The following SLC8A3 variants were observed in gnomAD, a reference collection of about 807,000 sequenced individuals.
The protein encoded by SLC8A3 is solute carrier family 8 member A3.
In SLC8A3, 37 loss-of-function variants were observed where a neutral mutation model predicts 65.4. That is an observed-to-expected ratio of 0.57 (90% CI 0.44 to 0.74). SLC8A3 has a LOEUF of 0.74. SLC8A3 is among the 30% of genes least tolerant of loss of function. The pLI is 0.00. For synonymous variants in SLC8A3, 461 were observed against 444.5 expected (o/e 1.04, Z -0.47); for missense variants, 1,112 against 1,172.1 (o/e 0.95, Z 0.75).
chr14:70,153,547 G>T (rs1056897821), intron 2 of SLC8A3, among the ~76,000 whole-genome samples: 2 of 152,122 alleles, frequency 1.3e-5, no homozygotes, highest in Non-Finnish European at 2.9e-5. Context: ...AGCCCTCAGT[G>T]GTTCCCCCTT....
chr14:70,180,587 G>A (rs927517067), intron 1 of SLC8A3, among the ~76,000 whole-genome samples: 14 of 152,192 alleles, frequency 9.2e-5, no homozygotes, highest in African/African-American at 3.1e-4. Flanking sequence ...TGTCTCACTG[G>A]GGAGAGAGTA....
intron 2 of SLC8A3, chr14:70,063,924 G>T (rs1196102583): frequency 1.9e-6 from 3 of 1,582,266 alleles, no homozygotes; most frequent in Non-Finnish European, 2.6e-6. Context: ...GATGTGAATT[G>T]TTTTGCTGTG....
At chr14:70,147,353 C>T (rs1269176305) in intron 2 of SLC8A3, among the ~76,000 whole-genome samples, 1 of 152,168 alleles carries the variant, frequency 6.6e-6, no homozygotes, top group Non-Finnish European at 1.5e-5. Flanking sequence ...AGAGATTAGT[C>T]AATTTGCCTG....
intron 2 of SLC8A3, among the ~76,000 whole-genome samples, chr14:70,125,209 G>A (rs993129394): frequency 9.9e-5 from 15 of 152,084 alleles, no homozygotes; most frequent in Non-Finnish European, 1.9e-4. Context: ...GGGTGTAAGG[G>A]CAATTTTGTT....
intron 2 of SLC8A3, among the ~76,000 whole-genome samples, chr14:70,142,688 C>T (rs1895657891): frequency 6.6e-6 from 1 of 152,192 alleles, no homozygotes; most frequent in Admixed American, 6.5e-5. Context: ...GAGGGAACCT[C>T]CTCTCCAGGA....
In SLC8A3 at chr14:70,166,711, C is replaced by T. The variant is rs1219288528; in HGVS notation, c.1712G>A (p.Gly571Glu). The change falls in exon 2 of 7, where the codon GGG (glycine) becomes GAG (glutamate). Residue 571 changes from glycine to glutamate, a missense_variant. Physicochemically the swap from Gly to Glu is moderately conservative, Grantham distance 98. Coordinates refer to ENST00000356921, the MANE Select transcript of SLC8A3 (RefSeq NM_182932.3). ...GTCCTCACCGCCACCCTTGGCTGTCCCTTCTACTGTCCTAAAGGGGACGAT... is the reference window on the plus strand; with the variant it reads ...GTCCTCACCGCCACCCTTGGCTGTCTCTTCTACTGTCCTAAAGGGGACGAT... The part of the protein sequence containing the change: ...TVIVPFRTVE[G>E]TAKGGGEDFE... The T allele has an allele frequency of 1.2e-6, 2 of 1,613,914 alleles. No individual in the cohort carries two copies. The highest frequency in any genetic ancestry group is 1.7e-5 in the Admixed American group (1 of 59,986).
At chr14:70,130,720 T>A (rs1471010100) in intron 2 of SLC8A3, among the ~76,000 whole-genome samples, 1 of 152,196 alleles carries the variant, frequency 6.6e-6, no homozygotes, top group Non-Finnish European at 1.5e-5. Context: ...GCAAGAGGAA[T>A]GGAGTTTTAA....
chr14:70,110,524 A>T (rs991234621), intron 2 of SLC8A3, among the ~76,000 whole-genome samples: 1 of 151,870 alleles, frequency 6.6e-6, no homozygotes, highest in African/African-American at 2.4e-5. Flanking sequence ...ACTGGATCTC[A>T]TTCTTTTTTT....
At chr14:70,098,318 C>A (rs539288542) in intron 2 of SLC8A3, among the ~76,000 whole-genome samples, 1 of 151,502 alleles carries the variant, frequency 6.6e-6, no homozygotes, top group East Asian at 1.9e-4. Flanking sequence ...AAAAAAAACC[C>A]TCTGCCTATA....
At chr14:70,100,294 C>T (rs1594982618) in intron 2 of SLC8A3, among the ~76,000 whole-genome samples, 1 of 152,184 alleles carries the variant, frequency 6.6e-6, no homozygotes, top group African/African-American at 2.4e-5. Flanking sequence ...TTTCCAGCCT[C>T]GGCCCAGTTG....
chr14:70,173,114 A>C (rs1897652815), intron 1 of SLC8A3, among the ~76,000 whole-genome samples: 2 of 152,186 alleles, frequency 1.3e-5, no homozygotes, highest in Non-Finnish European at 2.9e-5. Flanking sequence ...GTTTTATTCT[A>C]AGGGCAATGA....
In SLC8A3 at chr14:70,167,082, C is replaced by T. The variant is rs1174358761; in HGVS notation, c.1341G>A (p.Glu447=). The T allele has an allele frequency of 1.2e-6, 2 of 1,614,114 alleles. No individual in the cohort carries two copies. The highest frequency in any genetic ancestry group is 8.5e-7 in the Non-Finnish European group (1 of 1,180,050). The change falls in exon 2 of 7, where the codon GAG becomes GAA. Residue 447 remains glutamate, a synonymous_variant. Transcript: ENST00000356921. ...TCAGAACCACCGTGCCCTCTGTGAACTCATAGTCAGCCCCTGCATTGGCAG... is the reference window on the plus strand; with the variant it reads ...TCAGAACCACCGTGCCCTCTGTGAATTCATAGTCAGCCCCTGCATTGGCAG... ...DGSANAGADY[E]FTEGTVVLKP...
intron 2 of SLC8A3, among the ~76,000 whole-genome samples, chr14:70,062,954 C>T (rs1371347015): frequency 1.3e-5 from 2 of 152,120 alleles, no homozygotes; most frequent in African/African-American, 4.8e-5. Context: ...GTACTGGCAG[C>T]TCCCTGCTCC....
intron 3 of SLC8A3, among the ~76,000 whole-genome samples, chr14:70,056,823 A>T (rs760836441): frequency 2.4e-4 from 37 of 152,360 alleles, no homozygotes; most frequent in Non-Finnish European, 4.4e-4. Flanking sequence ...CACACCCAAT[A>T]CAGGTTGTCT....
At position 70,065,639 on chromosome 14, in the gene SLC8A3, A is replaced by G. The variant is rs148017787; in HGVS notation, c.1785-4700T>C. ...CTTTGTGATGTTCTTAAATGAAATA[A>G]TTTATATGAATTTCTGGGCAGGGTT... On this transcript the variant is annotated intron_variant, in intron 2 of 6. Coordinates refer to ENST00000356921, the MANE Select transcript of SLC8A3 (RefSeq NM_182932.3). Among the ~76,000 whole-genome samples, 962 of 152,348 alleles carry G rather than the reference A, an allele frequency of 6.3e-3. 4 individuals are homozygous for G. The highest frequency in any genetic ancestry group is 9.0e-3 in the Non-Finnish European group (612 of 68,034).
At chr14:70,149,853 T>G (rs564055791) in intron 2 of SLC8A3, among the ~76,000 whole-genome samples, 1 of 152,308 alleles carries the variant, frequency 6.6e-6, no homozygotes, top group South Asian at 2.1e-4. Context: ...CACATCGGGA[T>G]GCAGAGGAGT....
chr14:70,140,755 C>T (rs1566806655), intron 2 of SLC8A3, among the ~76,000 whole-genome samples: 1 of 152,228 alleles, frequency 6.6e-6, no homozygotes, highest in Non-Finnish European at 1.5e-5. Context: ...AAGCTGCACG[C>T]TTCTCCTTTG....
At chr14:70,163,049 C>T (rs551997913) in intron 2 of SLC8A3, among the ~76,000 whole-genome samples, 22 of 152,302 alleles carry the variant, frequency 1.4e-4, no homozygotes, top group Non-Finnish European at 3.2e-4. Context: ...GATCCTTGAG[C>T]GCTGAAATGT....
chr14:70,083,367 A>G (rs1891200224), intron 2 of SLC8A3, among the ~76,000 whole-genome samples: 1 of 152,118 alleles, frequency 6.6e-6, no homozygotes, highest in Admixed American at 6.5e-5. Flanking sequence ...TGCTGAAATG[A>G]AATTATGGGG....
Sources: gnomAD v4.1 joint callset for allele counts (sites outside exome capture counted in the v4.1 genomes callset) on GRCh38, gnomAD v4.1.1 for gene constraint, MANE v1.5 for transcripts, NCBI Gene and HGNC (gene_info 2026-07-23, HGNC 2026-07-21) for gene names.